Variants in DOCK4 observed in about 807,000 individuals in gnomAD.
DOCK4 encodes dedicator of cytokinesis protein 4.
A neutral mutation model predicts 268.1 loss-of-function variants in DOCK4; 97 were observed. The observed-to-expected ratio is 0.36, with a 90% CI of 0.31 to 0.43. DOCK4 has a LOEUF of 0.43. DOCK4 is among the 20% of genes least tolerant of loss of function. The probability of loss-of-function intolerance (pLI) is 1.00; values close to 1 mark genes in which losing one functional copy is unlikely to be tolerated. For missense variants in DOCK4, 2,145 were observed against 2,455.7 expected (o/e 0.87, Z 2.67); for synonymous variants, 954 against 887.2 (o/e 1.08, Z -1.34).
chr7:111,741,453 C>A, intron 46 of DOCK4, 87 bp downstream of exon 46: 20 of 1,540,142 alleles, frequency 1.3e-5, no homozygotes, highest in Non-Finnish European at 1.8e-5. Context: ...GCGTATTTGA[C>A]AAATTGTGCC....
At chr7:112,202,957 T>A (rs1323637647) in intron 1 of DOCK4, among the ~76,000 whole-genome samples, 1 of 152,188 alleles carries the variant, frequency 6.6e-6, no homozygotes, top group Non-Finnish European at 1.5e-5. Context: ...TGCTTACCTC[T>A]GATCTTACTT....
intron 8 of DOCK4, among the ~76,000 whole-genome samples, chr7:111,956,611 T>C (rs1796469826): frequency 6.6e-6 from 1 of 152,186 alleles, no homozygotes; most frequent in African/African-American, 2.4e-5. Flanking sequence ...ATGTTCACCT[T>C]ATTGTCTGTA....
intron 4 of DOCK4, among the ~76,000 whole-genome samples, chr7:111,996,250 G>A (rs952913253): frequency 5.8e-4 from 89 of 152,320 alleles, no homozygotes; most frequent in African/African-American, 2.0e-3. Flanking sequence ...TTCAGTCTGT[G>A]AGAAGTTGAT....
intron 1 of DOCK4, among the ~76,000 whole-genome samples, chr7:112,066,732 T>TATATATAC (rs1563052520): frequency 1.9e-5 from 2 of 106,706 alleles, no homozygotes; most frequent in Non-Finnish European, 3.7e-5. Context: ...TATATATATA[T>TATATATAC]ATATATATAT....
chr7:111,812,610 G>A (rs1393095399), intron 27 of DOCK4, among the ~76,000 whole-genome samples: 1 of 152,154 alleles, frequency 6.6e-6, no homozygotes, highest in Non-Finnish European at 1.5e-5. Context: ...TTTTTAAAAT[G>A]CAGAGGAAAA....
In DOCK4 at chr7:111,995,635, G is replaced by A. The variant is rs541785107; in HGVS notation, c.219-1404C>T. Among the ~76,000 whole-genome samples, 4 of 152,230 alleles carry A rather than the reference G, an allele frequency of 2.6e-5. No individual in the cohort carries two copies. In the South Asian group the frequency reaches 8.3e-4, roughly 32 times the overall value. ...AACCATGTTGTCTAATGATCAAGGG[G>A]AAATTACTTCTTAGCATGAGACTAA... On this transcript the variant is annotated intron_variant, in intron 4 of 52. Transcript: ENST00000428084.
At chr7:111,805,038 G>A (rs1800573912) in intron 30 of DOCK4, among the ~76,000 whole-genome samples, 1 of 152,206 alleles carries the variant, frequency 6.6e-6, no homozygotes, top group Non-Finnish European at 1.5e-5. Flanking sequence ...CCAGGCAAGA[G>A]CTCAAAGCCT....
intron 1 of DOCK4, among the ~76,000 whole-genome samples, chr7:112,108,991 GC>G (rs1316612373): frequency 1.3e-5 from 2 of 151,952 alleles, no homozygotes; most frequent in Non-Finnish European, 2.9e-5. Flanking sequence ...GAGGAGGAGA[GC>G]AGCCATGGAG....
rs575321464 is a variant in DOCK4 at position 111,803,834 on chromosome 7, A to T, written c.3166+4987T>A. 2.6e-5 allele frequency among the ~76,000 whole-genome samples: 4 copies of T among 152,344 alleles called. No homozygotes were observed. In the South Asian group the frequency reaches 8.3e-4, roughly 32 times the overall value. The stretch of plus-strand genomic sequence containing the variant: ...ATACCATATTTAAGAAAAGGTGTTT[A>T]CTTATCACTAGTTGGCTTTTATGCT... On this transcript the variant is annotated intron_variant, in intron 30 of 52. Transcript: ENST00000428084.
chr7:112,039,383 G>A (rs547424441), intron 1 of DOCK4, among the ~76,000 whole-genome samples: 17 of 136,538 alleles, frequency 1.2e-4, no homozygotes, highest in Admixed American at 2.9e-4. Flanking sequence ...TGGGGGGGGG[G>A]GCTTAAAGAT....
At chr7:112,009,348 C>G (rs1801109515) in intron 1 of DOCK4, among the ~76,000 whole-genome samples, 1 of 152,222 alleles carries the variant, frequency 6.6e-6, no homozygotes, top group Admixed American at 6.5e-5. Context: ...GCTTACAACA[C>G]AGAACACACA....
chr7:112,123,912 T>G (rs1269922928), intron 1 of DOCK4, among the ~76,000 whole-genome samples: 1 of 152,172 alleles, frequency 6.6e-6, no homozygotes, highest in Non-Finnish European at 1.5e-5. Context: ...AGAAGGACTG[T>G]CTATAGTTAT....
At chr7:112,167,651 T>C (rs113367970) in intron 1 of DOCK4, among the ~76,000 whole-genome samples, 1,566 of 152,328 alleles carry the variant, frequency 0.01, 28 homozygotes, top group African/African-American at 0.035. Flanking sequence ...TCATGCTTAT[T>C]ATCATCCTTT....
chr7:112,177,054 C>A lies in DOCK4; in HGVS notation c.37+29048G>T, dbSNP rs17489758. Among the ~76,000 whole-genome samples, 1,506 of 152,300 alleles carry A rather than the reference C, an allele frequency of 9.9e-3. 17 individuals are homozygous for A. The highest frequency in any genetic ancestry group is 0.034 in the Middle Eastern group (10 of 294). On this transcript the variant is annotated intron_variant, in intron 1 of 52. Transcript: ENST00000428084. ...AACCAACTTCTAATTCTAGTCATCA[C>A]TTCCAAAAATCAAGCTCCAGAGCAC... is the stretch of plus-strand genomic sequence containing the variant.
chr7:111,988,535 T>C (rs908598327), intron 6 of DOCK4, among the ~76,000 whole-genome samples: 1 of 152,186 alleles, frequency 6.6e-6, no homozygotes. Flanking sequence ...TGTACAGGAC[T>C]AATCACAGCA....
At chr7:111,868,237 T>C in intron 21 of DOCK4, 83 bp from the exon 22 acceptor site, 1 of 1,073,308 alleles carries the variant, frequency 9.3e-7, no homozygotes, top group Non-Finnish European at 1.3e-6. Context: ...AAAACCATGG[T>C]ATGGCATTAA....
intron 24 of DOCK4, 84 bp from the exon 25 acceptor site, chr7:111,844,981 C>T (rs935468538): frequency 8.0e-6 from 12 of 1,506,962 alleles, no homozygotes; most frequent in Non-Finnish European, 1.1e-5. Context: ...ATCAAAGAGT[C>T]AGAGAACTTG....
intron 8 of DOCK4, among the ~76,000 whole-genome samples, chr7:111,948,760 A>G (rs746534114): frequency 3.3e-5 from 5 of 151,828 alleles, no homozygotes; most frequent in Non-Finnish European, 7.4e-5. Flanking sequence ...ACGCCTGGCT[A>G]ATTTTTGCAT....
At chr7:112,142,836 T>C (rs6466401) in intron 1 of DOCK4, among the ~76,000 whole-genome samples, 60,610 of 151,860 alleles carry the variant, frequency 0.4, 12,209 homozygotes, top group East Asian at 0.48. Context: ...ATAAGGCATA[T>C]ACCCTTCTGC....
Sources: gnomAD v4.1 joint callset for allele counts (sites outside exome capture counted in the v4.1 genomes callset) on GRCh38, gnomAD v4.1.1 for gene constraint, MANE v1.5 for transcripts, NCBI Gene and HGNC (gene_info 2026-07-23, HGNC 2026-07-21) for gene names.